Variants in PDE1A observed in about 807,000 individuals in gnomAD.
PDE1A encodes the protein phosphodiesterase 1A.
PDE1A carries 35 observed loss-of-function variants against 61.7 expected under a neutral mutation model. The observed-to-expected ratio is 0.57, with a 90% CI of 0.43 to 0.75. The LOEUF is 0.75. Among genes scored for constraint, PDE1A ranks in the 30% least tolerant of loss-of-function variants. The pLI is 0.00. For synonymous variants in PDE1A, 232 were observed against 213.2 expected (o/e 1.09, Z -0.77); for missense variants, 597 against 630.6 (o/e 0.95, Z 0.57).
At chr2:182,318,037 C>T (rs1055821049) in intron 1 of PDE1A, among the ~76,000 whole-genome samples, 2 of 152,064 alleles carry the variant, frequency 1.3e-5, no homozygotes, top group Non-Finnish European at 2.9e-5. Flanking sequence ...CAGCATACAA[C>T]AAGCCAGGCT....
the PDE1A span, among the ~76,000 whole-genome samples, chr2:182,639,234 G>T: frequency 6.6e-6 from 1 of 152,134 alleles, no homozygotes; most frequent in Non-Finnish European, 1.5e-5. Context: ...TAAGCAGAGA[G>T]TAAGAAAACA....
intron 1 of PDE1A, among the ~76,000 whole-genome samples, chr2:182,273,491 T>G (rs1693183598): frequency 6.6e-6 from 1 of 151,596 alleles, no homozygotes; most frequent in Non-Finnish European, 1.5e-5. Flanking sequence ...ATATATATCT[T>G]TTGTCACATA....
chr2:182,258,183 A>G (rs1480051335), intron 2 of PDE1A, among the ~76,000 whole-genome samples: 1 of 152,124 alleles, frequency 6.6e-6, no homozygotes, highest in Non-Finnish European at 1.5e-5. Flanking sequence ...AAAAAAGAAA[A>G]GAAAAAAAGA....
chr2:182,385,125 G>A (rs920699206), intron 1 of PDE1A, among the ~76,000 whole-genome samples: 2 of 152,204 alleles, frequency 1.3e-5, no homozygotes, highest in Admixed American at 1.3e-4. Flanking sequence ...AAAGCAGAGG[G>A]AATCCATCTC....
chr2:182,630,365 A>AT, the PDE1A span, among the ~76,000 whole-genome samples: 2 of 152,126 alleles, frequency 1.3e-5, no homozygotes, highest in Non-Finnish European at 2.9e-5. Flanking sequence ...GGAAACCGTG[A>AT]TTTTCCCAAT....
At chr2:182,371,364 A>G (rs2125246079) in intron 1 of PDE1A, among the ~76,000 whole-genome samples, 1 of 152,318 alleles carries the variant, frequency 6.6e-6, no homozygotes, top group South Asian at 2.1e-4. Context: ...TTGAAATGTT[A>G]TTTTTATAAA....
At chr2:182,256,035 CTTCTT>C (rs1347362418) in intron 2 of PDE1A, among the ~76,000 whole-genome samples, 2 of 42,680 alleles carry the variant, frequency 4.7e-5, no homozygotes, top group African/African-American at 1.7e-4. Flanking sequence ...CCAAGGATGA[CTTCTT>C]TTTTTTTTTT....
the PDE1A span, among the ~76,000 whole-genome samples, chr2:182,634,313 T>C: frequency 2.0e-5 from 3 of 152,338 alleles, no homozygotes; most frequent in Admixed American, 2.0e-4. Flanking sequence ...TGATGAGTTT[T>C]GAACTATGTC....
chr2:182,314,239 A>G (rs1696184438), intron 1 of PDE1A: 1 of 152,228 alleles, frequency 6.6e-6, no homozygotes, highest in African/African-American at 2.4e-5. Context: ...ACACAGCATC[A>G]TGAATGAATC....
the PDE1A span, among the ~76,000 whole-genome samples, chr2:182,687,518 C>A: frequency 6.6e-6 from 1 of 152,096 alleles, no homozygotes; most frequent in Non-Finnish European, 1.5e-5. Flanking sequence ...ACATCCACAC[C>A]AAAACCCCAT....
intron 1 of PDE1A, among the ~76,000 whole-genome samples, chr2:182,272,692 G>A (rs1228894548): frequency 6.6e-6 from 1 of 152,078 alleles, no homozygotes; most frequent in East Asian, 1.9e-4. Context: ...AAGGAAGTGT[G>A]AGAGAAACCT....
At chr2:182,283,883 C>T (rs369977449) in intron 1 of PDE1A, among the ~76,000 whole-genome samples, 19 of 152,174 alleles carry the variant, frequency 1.2e-4, no homozygotes, top group African/African-American at 4.6e-4. Flanking sequence ...ATTATCAAAC[C>T]TCATTTTAAC....
intron 2 of PDE1A, among the ~76,000 whole-genome samples, chr2:182,502,455 A>G (rs62187727): frequency 6.6e-6 from 1 of 152,002 alleles, no homozygotes; most frequent in African/African-American, 2.4e-5. Context: ...ACTTATACCA[A>G]CTTTCACTCC....
At chr2:182,653,337 G>A in the PDE1A span, among the ~76,000 whole-genome samples, 23,526 of 152,080 alleles carry the variant, frequency 0.15, 2,405 homozygotes, top group African/African-American at 0.29. Flanking sequence ...ACCTCGCTAT[G>A]TATCGCTAAT....
At chr2:182,227,419 G>A (rs960653652) in intron 6 of PDE1A, among the ~76,000 whole-genome samples, 10 of 151,954 alleles carry the variant, frequency 6.6e-5, no homozygotes, top group Non-Finnish European at 2.9e-5. Context: ...TTGATTCCTT[G>A]TGTATCTAAA....
chr2:182,356,766 G>C (rs1390836605), intron 1 of PDE1A, among the ~76,000 whole-genome samples: 1 of 152,102 alleles, frequency 6.6e-6, no homozygotes, highest in Non-Finnish European at 1.5e-5. Context: ...CAATAGCAAA[G>C]ACTTGGAACC....
At chr2:182,568,372 T>G in the PDE1A span, among the ~76,000 whole-genome samples, 10 of 152,320 alleles carry the variant, frequency 6.6e-5, no homozygotes, top group African/African-American at 2.2e-4. Context: ...TTATAAAATG[T>G]TTTTATAGTA....
At chr2:182,201,858 A>C (rs1327574535) in intron 8 of PDE1A, 69 bp from the exon 9 acceptor site, 2 of 904,120 alleles carry the variant, frequency 2.2e-6, no homozygotes, top group Non-Finnish European at 3.5e-6. Context: ...CACTTCAATA[A>C]ATAATCACTC....
At chr2:182,273,739 G>C (rs1349735732) in intron 1 of PDE1A, among the ~76,000 whole-genome samples, 1 of 152,000 alleles carries the variant, frequency 6.6e-6, no homozygotes, top group East Asian at 1.9e-4. Context: ...TGAAAGTGAG[G>C]AGATAAAAGG....
Sources: gnomAD v4.1 joint callset for allele counts (sites outside exome capture counted in the v4.1 genomes callset) on GRCh38, gnomAD v4.1.1 for gene constraint, MANE v1.5 for transcripts, NCBI Gene and HGNC (gene_info 2026-07-23, HGNC 2026-07-21) for gene names.